SCFD2: variants seen among roughly 807,000 people sequenced by gnomAD.
The protein encoded by SCFD2 is sec1 family domain-containing protein 2.
In SCFD2, 54 loss-of-function variants were observed where a neutral mutation model predicts 58.9. The observed-to-expected ratio is 0.92, with a 90% CI of 0.74 to 1.15. The LOEUF (loss-of-function observed/expected upper bound fraction) is 1.15. Among genes scored for constraint, SCFD2 ranks in the 50% most tolerant of loss-of-function variants. The pLI is 0.00. For missense variants in SCFD2, 805 were observed against 836.6 expected, an observed-to-expected ratio of 0.96 and a Z score of 0.47; for synonymous variants, 321 against 335.9, an observed-to-expected ratio of 0.96 and a Z score of 0.49.
intron 5 of SCFD2, among the ~76,000 whole-genome samples, chr4:53,139,085 G>A (rs1726031687): frequency 3.9e-5 from 6 of 152,192 alleles, no homozygotes; most frequent in Admixed American, 3.9e-4. Flanking sequence ...TGGCTGGCCT[G>A]GTCTCCAGCT....
intron 5 of SCFD2, among the ~76,000 whole-genome samples, chr4:53,057,676 G>A (rs1159871492): frequency 2.6e-5 from 4 of 151,904 alleles, no homozygotes; most frequent in Non-Finnish European, 5.9e-5. Flanking sequence ...TTTTTTAGAT[G>A]AAATAAAGGA....
At chr4:53,237,466 G>A (rs1412486150) in intron 4 of SCFD2, among the ~76,000 whole-genome samples, 2 of 130,564 alleles carry the variant, frequency 1.5e-5, no homozygotes, top group East Asian at 2.4e-4. Context: ...GGCCGGGCGG[G>A]GGGGCTGACC....
At chr4:52,972,375 G>T (rs190831480) in intron 5 of SCFD2, among the ~76,000 whole-genome samples, 2 of 151,924 alleles carry the variant, frequency 1.3e-5, no homozygotes, top group South Asian at 2.1e-4. Flanking sequence ...TCCTAGTCTC[G>T]GATAAAACAG....
intron 5 of SCFD2, among the ~76,000 whole-genome samples, chr4:52,962,667 G>A (rs1309841018): frequency 1.3e-5 from 2 of 149,660 alleles, no homozygotes; most frequent in Non-Finnish European, 3.0e-5. Flanking sequence ...GATGAAAATA[G>A]TTTAGAGGGG....
chr4:52,924,303 T>C (rs2109489527), intron 5 of SCFD2, among the ~76,000 whole-genome samples: 1 of 152,316 alleles, frequency 6.6e-6, no homozygotes, highest in South Asian at 2.1e-4. Context: ...CATTAATTAA[T>C]CATAGGCTGT....
At chr4:53,276,195 T>A (rs1292980154) in intron 3 of SCFD2, among the ~76,000 whole-genome samples, 1 of 145,356 alleles carries the variant, frequency 6.9e-6, no homozygotes, top group Admixed American at 6.7e-5. Context: ...CAACAGTGCA[T>A]CTTATGTTAA....
intron 5 of SCFD2, among the ~76,000 whole-genome samples, chr4:53,139,917 T>C (rs1405737182): frequency 1.3e-5 from 2 of 152,136 alleles, no homozygotes; most frequent in Admixed American, 1.3e-4. Flanking sequence ...CCCAACCCCC[T>C]GCTCTCTGAA....
At chr4:53,347,096 G>A (rs1034606755) in intron 2 of SCFD2, among the ~76,000 whole-genome samples, 3 of 152,184 alleles carry the variant, frequency 2.0e-5, no homozygotes, top group African/African-American at 7.2e-5. Flanking sequence ...GTAAGAGGTA[G>A]CTAATGTAAT....
At chr4:53,318,687 G>A (rs1313676390) in intron 2 of SCFD2, among the ~76,000 whole-genome samples, 2 of 150,996 alleles carry the variant, frequency 1.3e-5, no homozygotes, top group East Asian at 3.9e-4. Context: ...GGAACAGCTG[G>A]TCAACATCTT....
intron 4 of SCFD2, among the ~76,000 whole-genome samples, chr4:53,214,935 T>G (rs1398116063): frequency 6.6e-6 from 1 of 152,188 alleles, no homozygotes; most frequent in Non-Finnish European, 1.5e-5. Context: ...CTTGTTTTTG[T>G]CAGGTTTGTC....
chr4:52,962,503 C>A (rs1720873698), intron 5 of SCFD2, among the ~76,000 whole-genome samples: 1 of 152,200 alleles, frequency 6.6e-6, no homozygotes, highest in Non-Finnish European at 1.5e-5. Flanking sequence ...GTAGTATTTT[C>A]TCCTGAAGGT....
At position 53,007,305 on chromosome 4, in the gene SCFD2, G is replaced by GGAGAGGGAGAGAGAGAGAGAGAGAGAGA. The variant is rs1553913999; in HGVS notation, c.1562-86436_1562-86435insTCTCTCTCTCTCTCTCTCTCTCCCTCTC. ...AGGAGAGAGAGGGAGAGAGGGAGAG[G>GGAGAGGGAGAGAGAGAGAGAGAGAGAGA]GAGAGAGAGAGAGAGAGAGAGAGAG... On this transcript the variant is annotated intron_variant, in intron 5 of 8. Transcript: ENST00000401642. Among the ~76,000 whole-genome samples, 4 of 66,082 alleles carry GGAGAGGGAGAGAGAGAGAGAGAGAGAGA rather than the reference G, an allele frequency of 6.1e-5. No individual in the cohort carries two copies. The East Asian group carries it at 1.6e-3, about 26-fold the overall frequency. The allele number at this position is 66,082 out of a possible 152,430, so 43.4% of individuals were successfully genotyped here.
At chr4:52,975,134 C>A (rs920919358) in intron 5 of SCFD2, among the ~76,000 whole-genome samples, 1 of 152,000 alleles carries the variant, frequency 6.6e-6, no homozygotes, top group African/African-American at 2.4e-5. Flanking sequence ...TCTAAAACAC[C>A]AAAAGCAATG....
chr4:53,228,216 C>T (rs1289603720), intron 4 of SCFD2, among the ~76,000 whole-genome samples: 1 of 152,088 alleles, frequency 6.6e-6, no homozygotes, highest in Non-Finnish European at 1.5e-5. Flanking sequence ...GATCAACTAT[C>T]TCATAATTTC....
At chr4:53,090,726 A>G (rs1412448843) in intron 5 of SCFD2, among the ~76,000 whole-genome samples, 1 of 152,198 alleles carries the variant, frequency 6.6e-6, no homozygotes, top group Non-Finnish European at 1.5e-5. Context: ...TAAACAAAAC[A>G]GACTAGATCC....
At chr4:53,109,299 AC>A (rs1287165736) in intron 5 of SCFD2, among the ~76,000 whole-genome samples, 3 of 152,314 alleles carry the variant, frequency 2.0e-5, no homozygotes, top group Non-Finnish European at 4.4e-5. Flanking sequence ...CCCTTTGAAA[AC>A]CAGCACAAGA....
intron 4 of SCFD2, among the ~76,000 whole-genome samples, chr4:53,272,342 C>A (rs969079947): frequency 1.3e-5 from 2 of 152,150 alleles, no homozygotes; most frequent in African/African-American, 4.8e-5. Context: ...CCAGCCATCC[C>A]ATTACTGGGT....
At chr4:53,300,594 C>T (rs945503940) in intron 3 of SCFD2, among the ~76,000 whole-genome samples, 1 of 152,150 alleles carries the variant, frequency 6.6e-6, no homozygotes, top group East Asian at 1.9e-4. Flanking sequence ...CTGCACCAAG[C>T]AGACCTAATA....
chr4:53,145,766 G>T (rs1351301743), intron 4 of SCFD2, among the ~76,000 whole-genome samples, 184 bp from the exon 5 acceptor site: 3 of 152,040 alleles, frequency 2.0e-5, no homozygotes, highest in Admixed American at 1.3e-4. Flanking sequence ...CAGAGTTTTT[G>T]TTTTGAAAGT....
Sources: gnomAD v4.1 joint callset for allele counts (sites outside exome capture counted in the v4.1 genomes callset) on GRCh38, gnomAD v4.1.1 for gene constraint, MANE v1.5 for transcripts, NCBI Gene and HGNC (gene_info 2026-07-23, HGNC 2026-07-21) for gene names.